The following KCNH5 variants were observed in gnomAD, a reference collection of about 807,000 sequenced individuals.
The protein encoded by KCNH5 is potassium voltage-gated channel subfamily H member 5, also known as voltage-gated delayed rectifier potassium channel KCNH5.
In KCNH5, 46 loss-of-function variants were observed where a neutral mutation model predicts 96.1. That is an observed-to-expected ratio of 0.48 (90% CI 0.38 to 0.61). The LOEUF (loss-of-function observed/expected upper bound fraction) is 0.61, where lower values mean the gene tolerates loss of function less well. Among genes scored for constraint, KCNH5 ranks in the 20% least tolerant of loss-of-function variants. The probability of loss-of-function intolerance (pLI) is 0.00; values close to 1 mark genes in which losing one functional copy is unlikely to be tolerated. For missense variants in KCNH5, 907 were observed against 1,225.8 expected, an observed-to-expected ratio of 0.74 and a Z score of 3.88; for synonymous variants, 439 against 449.8, an observed-to-expected ratio of 0.98 and a Z score of 0.30.
intron 10 of KCNH5, among the ~76,000 whole-genome samples, chr14:62,768,702 CAT>C (rs996508421): frequency 6.6e-6 from 1 of 152,106 alleles, no homozygotes; most frequent in African/African-American, 2.4e-5. Context: ...ACTATTAAAA[CAT>C]GTATTTTCTT....
At chr14:62,741,968 C>A (rs1020898924) in intron 10 of KCNH5, among the ~76,000 whole-genome samples, 1 of 152,120 alleles carries the variant, frequency 6.6e-6, no homozygotes, top group African/African-American at 2.4e-5. Context: ...AATTCTGTTT[C>A]TGCTGCTTAT....
chr14:62,903,209 C>A (rs934392174), intron 7 of KCNH5, among the ~76,000 whole-genome samples: 1 of 152,114 alleles, frequency 6.6e-6, no homozygotes, highest in Admixed American at 6.6e-5. Context: ...GGCCTGTCTT[C>A]CTTCTCTTCA....
intron 6 of KCNH5, among the ~76,000 whole-genome samples, chr14:62,952,017 T>C (rs1255944018): frequency 6.6e-6 from 1 of 150,422 alleles, no homozygotes; most frequent in Non-Finnish European, 1.5e-5. Context: ...TTTGTTATAC[T>C]ATATTCTATA....
intron 7 of KCNH5, among the ~76,000 whole-genome samples, chr14:62,923,402 A>G (rs2140110101): frequency 6.6e-6 from 1 of 152,124 alleles, no homozygotes; most frequent in African/African-American, 2.4e-5. Flanking sequence ...AAAGGAATCT[A>G]CACATCAGAT....
chr14:62,993,827 T>A (rs1237061364), intron 4 of KCNH5, among the ~76,000 whole-genome samples: 1 of 152,058 alleles, frequency 6.6e-6, no homozygotes. Context: ...GACTGATTAT[T>A]CAGCAAAGTT....
intron 7 of KCNH5, among the ~76,000 whole-genome samples, chr14:62,878,145 T>C (rs1888416081): frequency 7.6e-6 from 1 of 130,926 alleles, no homozygotes; most frequent in Non-Finnish European, 1.5e-5. Flanking sequence ...AATTGAACAA[T>C]GAGAACACAT....
intron 10 of KCNH5, among the ~76,000 whole-genome samples, chr14:62,730,433 G>A (rs1309172529): frequency 1.3e-5 from 2 of 152,112 alleles, no homozygotes; most frequent in African/African-American, 4.8e-5. Context: ...TGAAGGAAAT[G>A]GTTGAAAGAG....
At chr14:62,749,953 G>A (rs550565871) in intron 10 of KCNH5, among the ~76,000 whole-genome samples, 2 of 152,284 alleles carry the variant, frequency 1.3e-5, no homozygotes, top group African/African-American at 4.8e-5. Flanking sequence ...CCAAATTTAG[G>A]AATTATTTCC....
intron 4 of KCNH5, 55 bp from the exon 5 acceptor site, chr14:62,987,242 A>G: frequency 8.2e-7 from 1 of 1,221,430 alleles, no homozygotes; most frequent in Non-Finnish European, 1.2e-6. Context: ...TAAGGAATCC[A>G]ACATTCTTGC....
At chr14:62,756,653 A>G (rs1376126938) in intron 10 of KCNH5, among the ~76,000 whole-genome samples, 1 of 152,220 alleles carries the variant, frequency 6.6e-6, no homozygotes, top group African/African-American at 2.4e-5. Flanking sequence ...CCATACATCT[A>G]CAGTGAGCTC....
chr14:63,023,791 A>T (rs75596933), intron 1 of KCNH5, among the ~76,000 whole-genome samples: 7,276 of 152,300 alleles, frequency 0.048, 199 homozygotes, highest in East Asian at 0.062. Flanking sequence ...CTGACCACAA[A>T]GTTATAAAGC....
chr14:62,880,786 C>A (rs1311068307), intron 7 of KCNH5, among the ~76,000 whole-genome samples: 1 of 152,106 alleles, frequency 6.6e-6, no homozygotes, highest in African/African-American at 2.4e-5. Flanking sequence ...GAATAATGAG[C>A]AATCACTGTA....
intron 7 of KCNH5, among the ~76,000 whole-genome samples, chr14:62,878,571 G>A (rs777133841): frequency 2.0e-5 from 3 of 152,070 alleles, no homozygotes; most frequent in Non-Finnish European, 4.4e-5. Flanking sequence ...TACATGTGGT[G>A]TATGAGAAAA....
At chr14:62,937,612 G>A (rs543007984) in intron 7 of KCNH5, among the ~76,000 whole-genome samples, 13 of 152,226 alleles carry the variant, frequency 8.5e-5, no homozygotes, top group East Asian at 3.9e-4. Context: ...CATAGGTTTC[G>A]GAAAGGAGGA....
At chr14:62,997,807 G>GGAGA (rs1385480511) in intron 4 of KCNH5, among the ~76,000 whole-genome samples, 1 of 149,900 alleles carries the variant, frequency 6.7e-6, no homozygotes, top group Non-Finnish European at 1.5e-5. Context: ...GGCTGAGGCA[G>GGAGA]GAGAATGGCA....
intron 1 of KCNH5, among the ~76,000 whole-genome samples, chr14:63,043,406 T>C (rs972630327): frequency 6.6e-6 from 1 of 152,178 alleles, no homozygotes; most frequent in African/African-American, 2.4e-5. Flanking sequence ...AAGACTTGTA[T>C]ACTTAACTAA....
intron 8 of KCNH5, among the ~76,000 whole-genome samples, chr14:62,847,092 G>A (rs946127584): frequency 6.1e-5 from 9 of 147,992 alleles, no homozygotes; most frequent in South Asian, 2.1e-4. Flanking sequence ...GAGCCACCGC[G>A]CCCGGCCCTG....
intron 8 of KCNH5, among the ~76,000 whole-genome samples, chr14:62,845,768 A>G (rs1359953649): frequency 6.6e-6 from 1 of 152,232 alleles, no homozygotes; most frequent in East Asian, 1.9e-4. Flanking sequence ...ACAGGTTTTT[A>G]GGAGATGATT....
intron 10 of KCNH5, among the ~76,000 whole-genome samples, chr14:62,728,303 C>T (rs1884978517): frequency 1.3e-5 from 2 of 150,128 alleles, no homozygotes; most frequent in African/African-American, 4.9e-5. Context: ...AGGAGAATCG[C>T]TTGAACTCGG....
Sources: gnomAD v4.1 joint callset for allele counts (sites outside exome capture counted in the v4.1 genomes callset) on GRCh38, gnomAD v4.1.1 for gene constraint, MANE v1.5 for transcripts, NCBI Gene and HGNC (gene_info 2026-07-23, HGNC 2026-07-21) for gene names.